The following KCNK9 variants were observed in gnomAD, a reference collection of about 807,000 sequenced individuals.
KCNK9 encodes the protein potassium two pore domain channel subfamily K member 9, also known as potassium channel subfamily K member 9.
In KCNK9, 1 loss-of-function variant was observed where a neutral mutation model predicts 10.8. The observed-to-expected ratio is 0.09, with a 90% CI of 0.03 to 0.44. The LOEUF (loss-of-function observed/expected upper bound fraction) is 0.44. Ranked by LOEUF, KCNK9 falls within the 20% of genes least tolerant of loss-of-function variation. KCNK9 has a pLI of 0.97. For synonymous variants in KCNK9, 231 were observed against 222.7 expected (o/e 1.04, Z -0.33); for missense variants, 303 against 515.0 (o/e 0.59, Z 3.98).
chr8:139,673,960 G>A (rs1041456145), intron 1 of KCNK9, among the ~76,000 whole-genome samples: 3 of 152,062 alleles, frequency 2.0e-5, no homozygotes, highest in Non-Finnish European at 2.9e-5. Context: ...CTGCCCCACC[G>A]CCCTGGCCTT....
At chr8:139,654,586 G>A (rs1341841710) in intron 1 of KCNK9, among the ~76,000 whole-genome samples, 3 of 152,236 alleles carry the variant, frequency 2.0e-5, no homozygotes, top group Non-Finnish European at 4.4e-5. Context: ...CAGATTCTGC[G>A]GTAGCCCTCA....
rs1292822666 is a variant in KCNK9 at position 139,677,782 on chromosome 8, ATG to A, written c.283+24926_283+24927del. Among the ~76,000 whole-genome samples the A allele has an allele frequency of 9.4e-3, 1,375 of 146,984 alleles. 104 individuals are homozygous for A. The highest frequency in any genetic ancestry group is 0.035 in the African/African-American group (1,291 of 36,886). On this transcript the variant is annotated intron_variant, in intron 1 of 1. Coordinates refer to ENST00000520439, the MANE Select transcript of KCNK9 (RefSeq NM_001282534.2). ...TCACATCTGATCCCAATGTGTCCCC[ATG>A]GCTGCAGAGTAATACCTCACCTCCC... is the stretch of plus-strand genomic sequence containing the variant.
At chr8:139,619,651 A>G (rs1814717281) in intron 1 of KCNK9, among the ~76,000 whole-genome samples, 1 of 152,160 alleles carries the variant, frequency 6.6e-6, no homozygotes, top group Admixed American at 6.5e-5. Context: ...CTAAACAACC[A>G]TAATGATTCC....
chr8:139,701,140 C>T (rs1817209747), intron 1 of KCNK9, among the ~76,000 whole-genome samples: 1 of 152,188 alleles, frequency 6.6e-6, no homozygotes, highest in Admixed American at 6.5e-5. Context: ...CGTGCCACTG[C>T]CACAGTTTAA....
At chr8:139,661,676 C>G (rs908059192) in intron 1 of KCNK9, among the ~76,000 whole-genome samples, 10 of 152,320 alleles carry the variant, frequency 6.6e-5, no homozygotes, top group African/African-American at 2.4e-4. Flanking sequence ...AAAGGAGGTC[C>G]CAGGAGAGGC....
chr8:139,661,600 G>A (rs991170618), intron 1 of KCNK9, among the ~76,000 whole-genome samples: 3 of 152,140 alleles, frequency 2.0e-5, no homozygotes, highest in Non-Finnish European at 2.9e-5. Flanking sequence ...TATCCTGAGC[G>A]CCCCATCATC....
At position 139,671,239 on chromosome 8, in the gene KCNK9, C is replaced by T. The variant is rs56231767; in HGVS notation, c.283+31471G>A. On this transcript the variant is annotated intron_variant, in intron 1 of 1. Coordinates refer to ENST00000520439, the MANE Select transcript of KCNK9 (RefSeq NM_001282534.2). ...GAAGGGCAGAGGGCTTCTGTGGCAG[C>T]GGGCACATCCCCCTTTCTTTCCTGG... Among the ~76,000 whole-genome samples the T allele has an allele frequency of 7.7e-3, 1,176 of 152,322 alleles. 15 individuals are homozygous for T. The highest frequency in any genetic ancestry group is 0.027 in the African/African-American group (1,126 of 41,570).
chr8:139,612,330 G>T (rs1004627018), downstream of KCNK9: 2 of 152,230 alleles, frequency 1.3e-5, no homozygotes, highest in Non-Finnish European at 2.9e-5. Context: ...AGGTCACAAA[G>T]TATAGCCCTT....
intron 1 of KCNK9, among the ~76,000 whole-genome samples, chr8:139,641,272 C>A (rs1350751953): frequency 6.6e-6 from 1 of 152,218 alleles, no homozygotes; most frequent in Non-Finnish European, 1.5e-5. Flanking sequence ...CACCCACTCT[C>A]AGGGTGCCCT....
At chr8:139,626,688 A>G (rs903996521) in intron 1 of KCNK9, among the ~76,000 whole-genome samples, 2 of 152,242 alleles carry the variant, frequency 1.3e-5, no homozygotes, top group African/African-American at 2.4e-5. Context: ...TCCCTGGGAC[A>G]GGCTGCCCAG....
At chr8:139,664,925 TA>T (rs374676623) in intron 1 of KCNK9, among the ~76,000 whole-genome samples, 72 of 145,532 alleles carry the variant, frequency 4.9e-4, no homozygotes, top group Middle Eastern at 3.5e-3. Context: ...CCCCCAGCAA[TA>T]AAAAAAAAAA....
At chr8:139,665,892 T>C (rs1290635980) in intron 1 of KCNK9, among the ~76,000 whole-genome samples, 1 of 152,188 alleles carries the variant, frequency 6.6e-6, no homozygotes, top group Non-Finnish European at 1.5e-5. Flanking sequence ...GGCCCACAAA[T>C]GGCGTCAGTG....
intron 1 of KCNK9, among the ~76,000 whole-genome samples, chr8:139,680,048 G>A (rs1270267340): frequency 2.6e-5 from 4 of 152,166 alleles, no homozygotes; most frequent in African/African-American, 4.8e-5. Context: ...CTCCCACCCC[G>A]ACCAGGTCTC....
intron 1 of KCNK9, among the ~76,000 whole-genome samples, chr8:139,671,500 T>C (rs1816424826): frequency 1.4e-5 from 2 of 143,750 alleles, no homozygotes; most frequent in South Asian, 4.5e-4. Context: ...TCATTCTTCT[T>C]TTTTTAGTTT....
At chr8:139,654,911 C>T (rs1039329340) in intron 1 of KCNK9, among the ~76,000 whole-genome samples, 2 of 151,852 alleles carry the variant, frequency 1.3e-5, no homozygotes, top group African/African-American at 2.4e-5. Flanking sequence ...GATAAATGGG[C>T]GAGAGGATGG....
chr8:139,679,739 G>A (rs1816642305), intron 1 of KCNK9, among the ~76,000 whole-genome samples: 1 of 152,154 alleles, frequency 6.6e-6, no homozygotes, highest in Non-Finnish European at 1.5e-5. Context: ...TACCTTCACG[G>A]AAGGAGAAGC....
At chr8:139,632,971 T>C (rs1233500571) in intron 1 of KCNK9, among the ~76,000 whole-genome samples, 1 of 152,052 alleles carries the variant, frequency 6.6e-6, no homozygotes, top group Non-Finnish European at 1.5e-5. Flanking sequence ...TTCAACAACA[T>C]GCGAGAAGAA....
intron 2 of KCNK9, among the ~76,000 whole-genome samples, chr8:139,605,429 C>T (rs1230879885): frequency 6.6e-6 from 1 of 152,168 alleles, no homozygotes. Flanking sequence ...AAGGCAAATT[C>T]CTTACTTGAC....
intron 2 of KCNK9, among the ~76,000 whole-genome samples, chr8:139,603,439 C>T (rs150030552): frequency 1.3e-5 from 2 of 152,322 alleles, no homozygotes; most frequent in African/African-American, 4.8e-5. Flanking sequence ...AAAACTGCCT[C>T]ATCCACGACT....
Sources: allele counts gnomAD v4.1 joint callset (sites outside exome capture counted in the v4.1 genomes callset), GRCh38; gene constraint gnomAD v4.1.1; transcripts MANE v1.5; gene names NCBI Gene and HGNC (gene_info 2026-07-23, HGNC 2026-07-21).